ITM2C: variants seen among roughly 807,000 people sequenced by gnomAD.
ITM2C encodes integral membrane protein 2C, also known as BRICHOS domain containing 2C.
In ITM2C, 20 loss-of-function variants were observed where a neutral mutation model predicts 30.0. The ratio of observed to expected loss-of-function variants is 0.67; its 90% CI spans 0.47 to 0.97. The LOEUF (loss-of-function observed/expected upper bound fraction) is 0.97, where lower values mean the gene tolerates loss of function less well. ITM2C is among the 50% of genes least tolerant of loss of function. The pLI is 0.00. For synonymous variants in ITM2C, 167 were observed against 156.4 expected (o/e 1.07, Z -0.51); for missense variants, 366 against 371.9 (o/e 0.98, Z 0.13).
rs1470426788 is a variant in ITM2C at position 230,878,203 on chromosome 2, TTC to T, written c.*106_*107del. Reference sequence around the variant, plus strand: ...TGCTTAGCTTGTACTTTGGACGCGTTTCTATAGAGGTGACATGTCTCTCCATT... The same window carrying T: ...TGCTTAGCTTGTACTTTGGACGCGTTTATAGAGGTGACATGTCTCTCCATT... On this transcript the variant is annotated 3_prime_UTR_variant, in exon 6 of 6. Transcript: ENST00000326427. The surrounding 1 kb of genome is among the most constrained non-coding windows in gnomAD (Gnocchi z 4.5). 6 of 750,070 alleles carry T rather than the reference TTC, an allele frequency of 8.0e-6. No homozygotes were observed. The highest frequency in any genetic ancestry group is 6.3e-6 in the Non-Finnish European group (3 of 475,098). 46.5% of individuals were successfully genotyped at this position (750,070 alleles called of 1,614,324 possible). A position where few individuals can be genotyped will look rare whatever the true frequency, so the allele number is the denominator to read the frequency against.
chr2:230,877,294 C>G lies in ITM2C; in HGVS notation c.562-106C>G, dbSNP rs1697327660. On this transcript the variant is annotated intron_variant, in intron 4 of 5. Transcript: ENST00000326427. This position sits in a 1 kb window ranked among gnomAD's most constrained non-coding sequence, Gnocchi z 4.8. Reference sequence around the variant, plus strand: ...GAAGTGCCTGAGGACATCAGAAGGGCCAGCCCAGGGGCCTCTGGAGGAGGG... The same window carrying G: ...GAAGTGCCTGAGGACATCAGAAGGGGCAGCCCAGGGGCCTCTGGAGGAGGG... 8.3e-7 allele frequency: 1 copy of G among 1,199,156 alleles called. No homozygotes were observed. Among genetic ancestry groups the G allele is most frequent in the Admixed American group, 2.1e-5 (1 of 47,744 alleles). The allele number at this position is 1,199,156 out of a possible 1,614,324, so 74.3% of individuals were successfully genotyped here.
chr2:230,871,318 G>A (rs895423409), intron 1 of ITM2C, among the ~76,000 whole-genome samples: 1 of 152,266 alleles, frequency 6.6e-6, no homozygotes, highest in African/African-American at 2.4e-5. Flanking sequence ...AGGAGCGCCA[G>A]AGGGGCAGGA....
In ITM2C at chr2:230,877,439, G is replaced by A; in HGVS notation, c.601G>A (p.Glu201Lys). The change falls in exon 5 of 6, where the codon GAG (glutamate) becomes AAG (lysine). Residue 201 changes from glutamate (E) to lysine (K), a missense_variant. Physicochemically the swap from Glu to Lys is moderately conservative, Grantham distance 56. Transcript: ENST00000326427. The surrounding 1 kb of genome is among the most constrained non-coding windows in gnomAD (Gnocchi z 4.8). ...YLPQTYIIQE[E>K]MVVTEHVSDK... ...GCCGCAGACGTACATCATCCAGGAG[G>A]AGATGGTGGTCACGGAGCATGTCAG... The A allele has an allele frequency of 6.2e-7, 1 of 1,614,100 alleles. No individual in the cohort carries two copies. The highest frequency in any genetic ancestry group is 8.5e-7 in the Non-Finnish European group (1 of 1,180,004).
Position 230,865,336 on chromosome 2 carries a change from A to T in ITM2C, c.120+191A>T, listed in dbSNP as rs539388842. 30 of 543,562 alleles carry T rather than the reference A, an allele frequency of 5.5e-5. No homozygotes were observed. Among genetic ancestry groups the T allele is most frequent in the South Asian group, 5.3e-4 (6 of 11,396 alleles). The allele number at this position is 543,562 out of a possible 1,614,324, so 33.7% of individuals were successfully genotyped here. ...GGCTTAAGTCCCGTACTAAAGCGGC[A>T]GCCAAAAGCTGAAGTCCGAAGAGTG... is the stretch of plus-strand genomic sequence containing the variant. On this transcript the variant is annotated intron_variant, in intron 1 of 5. Transcript: ENST00000326427. The surrounding 1 kb of genome is among the most constrained non-coding windows in gnomAD (Gnocchi z 6.8).
In ITM2C at chr2:230,877,642, T is replaced by C. The variant is rs1049492710; in HGVS notation, c.712+92T>C. On this transcript the variant is annotated intron_variant, in intron 5 of 5. Transcript: ENST00000326427. The surrounding 1 kb of genome is among the most constrained non-coding windows in gnomAD (Gnocchi z 4.8). ...TAGCCCAGCTGTCAGAGAGCTCAGATAGCAGCAGCAATAACAGCTAGCATT... is the reference window on the plus strand; with the variant it reads ...TAGCCCAGCTGTCAGAGAGCTCAGACAGCAGCAGCAATAACAGCTAGCATT... 3 of 1,378,848 alleles carry C rather than the reference T, an allele frequency of 2.2e-6. No individual in the cohort carries two copies. Among genetic ancestry groups the C allele is most frequent in the East Asian group, 4.6e-5 (2 of 43,606 alleles). The allele number at this position is 1,378,848 out of a possible 1,614,324, so 85.4% of individuals were successfully genotyped here.
chr2:230,872,580 T>C (rs930715596), intron 1 of ITM2C, among the ~76,000 whole-genome samples: 11 of 152,182 alleles, frequency 7.2e-5, no homozygotes, highest in African/African-American at 2.7e-4. Flanking sequence ...CCAGGATCCT[T>C]CTAGCCTGGC....
chr2:230,871,792 A>AG (rs1369130359), intron 1 of ITM2C, among the ~76,000 whole-genome samples: 21 of 152,270 alleles, frequency 1.4e-4, no homozygotes, highest in South Asian at 6.2e-4. Flanking sequence ...TCCGCAGTGA[A>AG]GGGGGGGTCC....
Position 230,878,982 on chromosome 2 carries a change from G to T in ITM2C, c.*883G>T, listed in dbSNP as rs1470822642. ...CACAGAGGGAAAGGGAGAGCCACCT[G>T]GTACTTGTCCACCCTGCCTCCTCTG... On this transcript the variant is annotated 3_prime_UTR_variant, in exon 6 of 6. Transcript: ENST00000326427. This position sits in a 1 kb window ranked among gnomAD's most constrained non-coding sequence, Gnocchi z 4.5. The T allele has an allele frequency of 6.6e-6, 1 of 152,594 alleles. No homozygotes were observed. The highest frequency in any genetic ancestry group is 2.4e-5 in the African/African-American group (1 of 41,434). 9.5% of individuals were successfully genotyped at this position (152,594 alleles called of 1,614,324 possible). A position where few individuals can be genotyped will look rare whatever the true frequency, so the allele number is the denominator to read the frequency against.
At chr2:230,871,354 A>G (rs1158938433) in intron 1 of ITM2C, among the ~76,000 whole-genome samples, 3 of 152,254 alleles carry the variant, frequency 2.0e-5, no homozygotes, top group African/African-American at 7.2e-5. Context: ...CTGGTTTGCA[A>G]GAGCTCCTGG....
At chr2:230,870,399 A>G (rs1268986259) in intron 1 of ITM2C, among the ~76,000 whole-genome samples, 2 of 152,244 alleles carry the variant, frequency 1.3e-5, no homozygotes, top group African/African-American at 4.8e-5. Flanking sequence ...ACTTCTGCTC[A>G]TAATGGTGCC....
chr2:230,877,302 G>A lies in ITM2C; in HGVS notation c.562-98G>A. ...TGAGGACATCAGAAGGGCCAGCCCAGGGGCCTCTGGAGGAGGGAGGTGGGC... is the reference window on the plus strand; with the variant it reads ...TGAGGACATCAGAAGGGCCAGCCCAAGGGCCTCTGGAGGAGGGAGGTGGGC... On this transcript the variant is annotated intron_variant, in intron 4 of 5. Coordinates refer to ENST00000326427, the MANE Select transcript of ITM2C (RefSeq NM_030926.6). This position sits in a 1 kb window ranked among gnomAD's most constrained non-coding sequence, Gnocchi z 4.8. The A allele has an allele frequency of 7.8e-7, 1 of 1,282,288 alleles. No individual in the cohort carries two copies. Among genetic ancestry groups the A allele is most frequent in the Non-Finnish European group, 1.1e-6 (1 of 903,262 alleles). The allele number at this position is 1,282,288 out of a possible 1,614,324, so 79.4% of individuals were successfully genotyped here.
chr2:230,867,684 CAG>C (rs1265469322), intron 1 of ITM2C, among the ~76,000 whole-genome samples: 9 of 146,570 alleles, frequency 6.1e-5, no homozygotes, highest in East Asian at 4.1e-4. Flanking sequence ...TTTTTTGAGA[CAG>C]AGTCTCACTT....
intron 1 of ITM2C, among the ~76,000 whole-genome samples, chr2:230,868,225 G>T (rs552930846): frequency 1.3e-5 from 2 of 152,208 alleles, no homozygotes; most frequent in African/African-American, 4.8e-5. Flanking sequence ...AGGGATGGGG[G>T]TGGGGGCCAG....
chr2:230,873,454 GC>G lies in ITM2C; in HGVS notation c.159del (p.Ser54GlnfsTer65), dbSNP rs776069933. ...QPPQHRSKRG[G>X]SVGGVCYLSM... ...CCACAACATCGATCCAAGAGGGGGG[GC>G]TCAGTGGGCGGCGTGTGCTACCTGT... On this transcript the variant is annotated frameshift_variant, in exon 2 of 6. Transcript: ENST00000326427. LOFTEE classifies it high-confidence loss of function. 7 of 1,606,794 alleles carry G rather than the reference GC, an allele frequency of 4.4e-6. No individual in the cohort carries two copies. In the Middle Eastern group the frequency reaches 5.0e-4, roughly 114 times the overall value.
At chr2:230,871,221 T>G (rs1348122152) in intron 1 of ITM2C, among the ~76,000 whole-genome samples, 1 of 152,196 alleles carries the variant, frequency 6.6e-6, no homozygotes, top group African/African-American at 2.4e-5. Context: ...AGCCCTGGTG[T>G]TTGTTGTGTC....
intron 3 of ITM2C, among the ~76,000 whole-genome samples, chr2:230,876,559 G>T (rs1245024203): frequency 6.6e-6 from 1 of 152,094 alleles, no homozygotes; most frequent in African/African-American, 2.4e-5. Flanking sequence ...TCGGCTCACT[G>T]CAAGCTCCGC....
chr2:230,871,632 C>G (rs1390534519), intron 1 of ITM2C, among the ~76,000 whole-genome samples: 1 of 152,230 alleles, frequency 6.6e-6, no homozygotes, highest in Non-Finnish European at 1.5e-5. Flanking sequence ...GCCCCGGCCT[C>G]CTCATGGGCC....
chr2:230,877,474 G>A lies in ITM2C; in HGVS notation c.636G>A (p.Glu212=), dbSNP rs1371110277. 1.9e-6 allele frequency: 3 copies of A among 1,614,028 alleles called. No homozygotes were observed. ...MVVTEHVSDK[E]ALGSFIYHLC... is the part of the protein sequence containing the mutation. ...TCACGGAGCATGTCAGTGACAAGGA[G>A]GCCCTGGGGTCCTTCATCTACCACC... The change falls in exon 5 of 6, where the codon GAG becomes GAA. Residue 212 remains glutamate (E), a synonymous_variant. Transcript: ENST00000326427. The surrounding 1 kb of genome is among the most constrained non-coding windows in gnomAD (Gnocchi z 4.8).
In ITM2C at chr2:230,865,256, G is replaced by A. The variant is rs1005448669; in HGVS notation, c.120+111G>A. ...AGGCGCGTCAGGGCCCCAGAGCCCG[G>A]GGTGGAGCAGGGTTGGGAAGTCTCG... On this transcript the variant is annotated intron_variant, in intron 1 of 5. Coordinates refer to ENST00000326427, the MANE Select transcript of ITM2C (RefSeq NM_030926.6). This position sits in a 1 kb window ranked among gnomAD's most constrained non-coding sequence, Gnocchi z 6.8. The A allele has an allele frequency of 1.8e-6, 2 of 1,137,894 alleles. No homozygotes were observed. The highest frequency in any genetic ancestry group is 2.3e-6 in the Non-Finnish European group (2 of 882,674). 70.5% of individuals were successfully genotyped at this position (1,137,894 alleles called of 1,614,324 possible).
Sources: gnomAD v4.1 joint callset for allele counts (sites outside exome capture counted in the v4.1 genomes callset) on GRCh38, gnomAD v4.1.1 for gene constraint, Gnocchi (gnomAD v3.1) non-coding constraint, MANE v1.5 for transcripts, NCBI Gene and HGNC (gene_info 2026-07-23, HGNC 2026-07-21) for gene names.